Variants in PIK3C2G observed in about 807,000 individuals in gnomAD.
PIK3C2G encodes the protein phosphatidylinositol-4-phosphate 3-kinase catalytic subunit type 2 gamma, also known as phosphatidylinositol 3-kinase C2 domain-containing subunit gamma.
PIK3C2G carries 168 observed loss-of-function variants against 181.1 expected under a neutral mutation model. That is an observed-to-expected ratio of 0.93 (90% CI 0.82 to 1.05). The LOEUF is 1.05. PIK3C2G is among the 50% of genes least tolerant of loss of function. The probability of loss-of-function intolerance (pLI) is 0.00; values close to 1 mark genes in which losing one functional copy is unlikely to be tolerated. For synonymous variants in PIK3C2G, 573 were observed against 592.2 expected, an observed-to-expected ratio of 0.97 and a Z score of 0.47; for missense variants, 1,869 against 1,732.8, an observed-to-expected ratio of 1.08 and a Z score of -1.40.
intron 11 of PIK3C2G, among the ~76,000 whole-genome samples, chr12:18,356,417 A>G (rs1940734540): frequency 6.6e-6 from 1 of 152,042 alleles, no homozygotes. Flanking sequence ...TGCTGATAGG[A>G]GTAGAACTCC....
intron 16 of PIK3C2G, among the ~76,000 whole-genome samples, chr12:18,403,327 A>G (rs903331280): frequency 6.6e-6 from 1 of 152,206 alleles, no homozygotes. Flanking sequence ...CATGCACCAA[A>G]TAAGGTCACT....
At chr12:18,701,859 A>G in the PIK3C2G span, 10 of 1,521,848 alleles carry the variant, frequency 6.6e-6, no homozygotes, top group Non-Finnish European at 8.8e-6. Context: ...GTTTCACTAT[A>G]TTTCCAATTA....
At chr12:18,358,467 A>C (rs1205372114) in intron 11 of PIK3C2G, 2 of 240,884 alleles carry the variant, frequency 8.3e-6, no homozygotes, top group African/African-American at 2.3e-5. Context: ...AGTATCAAGG[A>C]AAACAGGTTA....
chr12:18,694,569 A>C, the PIK3C2G span, among the ~76,000 whole-genome samples: 2 of 152,170 alleles, frequency 1.3e-5, no homozygotes, highest in Admixed American at 1.3e-4. Context: ...GGCGAGAAAA[A>C]GTAACATGCC....
intron 32 of PIK3C2G, among the ~76,000 whole-genome samples, chr12:18,646,375 C>T (rs1950130671): frequency 6.6e-6 from 1 of 152,100 alleles, no homozygotes; most frequent in South Asian, 2.1e-4. Flanking sequence ...GAAGAGGTAG[C>T]CAAGAACACT....
At chr12:18,315,429 T>A (rs900197745) in intron 6 of PIK3C2G, among the ~76,000 whole-genome samples, 3 of 152,120 alleles carry the variant, frequency 2.0e-5, no homozygotes, top group African/African-American at 7.2e-5. Flanking sequence ...TCATAGTTCA[T>A]TGGAGCATGG....
At chr12:18,472,890 C>T (rs868124443) in intron 18 of PIK3C2G, among the ~76,000 whole-genome samples, 4 of 151,952 alleles carry the variant, frequency 2.6e-5, no homozygotes, top group Non-Finnish European at 4.4e-5. Flanking sequence ...AGTAGAGAGG[C>T]GGTTTCACCA....
At chr12:18,455,564 T>G (rs750880662) in intron 18 of PIK3C2G, among the ~76,000 whole-genome samples, 1 of 152,136 alleles carries the variant, frequency 6.6e-6, no homozygotes, top group Non-Finnish European at 1.5e-5. Flanking sequence ...ACCAAGTGGC[T>G]TATAAATGAT....
chr12:18,721,131 AATT>A, the PIK3C2G span, among the ~76,000 whole-genome samples: 1 of 152,104 alleles, frequency 6.6e-6, no homozygotes. Context: ...AATTAGCAGT[AATT>A]GGCTTAGCCC....
the PIK3C2G span, among the ~76,000 whole-genome samples, chr12:18,662,227 G>C: frequency 3.3e-5 from 5 of 151,998 alleles, no homozygotes; most frequent in Admixed American, 3.3e-4. Flanking sequence ...CTCATCACCT[G>C]GCTGATGAAA....
chr12:18,673,156 T>C, the PIK3C2G span, among the ~76,000 whole-genome samples: 1 of 152,154 alleles, frequency 6.6e-6, no homozygotes, highest in Non-Finnish European at 1.5e-5. Flanking sequence ...GGGGAATTTA[T>C]TCATGTTTTT....
intron 26 of PIK3C2G, among the ~76,000 whole-genome samples, chr12:18,550,217 T>C (rs748174525): frequency 7.2e-5 from 11 of 152,026 alleles, no homozygotes; most frequent in Non-Finnish European, 1.5e-4. Flanking sequence ...GTAACTACCA[T>C]TTAGAAATAT....
At chr12:18,631,095 G>A (rs1949332458) in intron 31 of PIK3C2G, among the ~76,000 whole-genome samples, 1 of 152,136 alleles carries the variant, frequency 6.6e-6, no homozygotes, top group East Asian at 1.9e-4. Flanking sequence ...AGGATGAAAT[G>A]AGAAGTATTG....
intron 31 of PIK3C2G, among the ~76,000 whole-genome samples, chr12:18,630,952 A>G (rs1384171768): frequency 1.3e-5 from 2 of 152,230 alleles, no homozygotes; most frequent in East Asian, 3.9e-4. Flanking sequence ...GGGGAGTGTT[A>G]AGTCTTTGTG....
the PIK3C2G span, among the ~76,000 whole-genome samples, chr12:18,659,432 C>A: frequency 6.6e-6 from 1 of 152,238 alleles, no homozygotes. Context: ...ATCATCCCTG[C>A]ATACTTAGAG....
chr12:18,330,345 A>G (rs1248208572), intron 8 of PIK3C2G, among the ~76,000 whole-genome samples: 1 of 152,130 alleles, frequency 6.6e-6, no homozygotes, highest in Non-Finnish European at 1.5e-5. Context: ...TTCATACACC[A>G]AAAATTTATT....
At chr12:18,620,585 G>C (rs1256523746) in intron 31 of PIK3C2G, among the ~76,000 whole-genome samples, 1 of 150,868 alleles carries the variant, frequency 6.6e-6, no homozygotes, top group Non-Finnish European at 1.5e-5. Flanking sequence ...CATACTGTAG[G>C]GTGCAGCTAG....
chr12:18,383,505 T>A (rs994373982), intron 14 of PIK3C2G, among the ~76,000 whole-genome samples: 2 of 152,142 alleles, frequency 1.3e-5, no homozygotes, highest in African/African-American at 4.8e-5. Context: ...ATGAGTAAAT[T>A]CTCACTAACG....
At chr12:18,559,813 TATATATATAGAGAGAGAGAG>T (rs1325015154) in intron 26 of PIK3C2G, among the ~76,000 whole-genome samples, 280 of 27,772 alleles carry the variant, frequency 0.01, no homozygotes, top group Non-Finnish European at 0.016. Flanking sequence ...TATATATATA[TATATATATAGAGAGAGAGAG>T]AGAGAGAGAG....
Sources: allele counts gnomAD v4.1 joint callset (sites outside exome capture counted in the v4.1 genomes callset), GRCh38; gene constraint gnomAD v4.1.1; transcripts MANE v1.5; gene names NCBI Gene and HGNC (gene_info 2026-07-23, HGNC 2026-07-21).